APMAP: variants seen among roughly 807,000 people sequenced by gnomAD.
The protein encoded by APMAP is adipocyte plasma membrane-associated protein.
In APMAP, 33 loss-of-function variants were observed where a neutral mutation model predicts 43.6. That is an observed-to-expected ratio of 0.76 (90% CI 0.57 to 1.01). The LOEUF (loss-of-function observed/expected upper bound fraction) is 1.01, where lower values mean the gene tolerates loss of function less well. APMAP is among the 50% of genes least tolerant of loss of function. The probability of loss-of-function intolerance (pLI) is 0.00; values close to 1 mark genes in which losing one functional copy is unlikely to be tolerated. For missense variants in APMAP, 498 were observed against 540.7 expected (o/e 0.92, Z 0.78); for synonymous variants, 224 against 216.7 (o/e 1.03, Z -0.30).
At position 24,992,622 on chromosome 20, in the gene APMAP, C is replaced by A; in HGVS notation, c.67G>T (p.Gly23Cys). ...CCGTCCTTAGCCTCCGGGGCCTGGC[C>A]ATCATCGTCTGTGACGACCTGCGGC... Reference protein sequence around the residue: ...LRPQVVTDDDGQAPEAKDGSS... With the variant: ...LRPQVVTDDDCQAPEAKDGSS... Residue 23 changes from glycine (G) to cysteine (C), a missense_variant, in exon 1 of 9, where the codon GGC becomes TGC. Physicochemically the swap from Gly to Cys is radical, Grantham distance 159. Transcript: ENST00000217456. The A allele has an allele frequency of 6.4e-7, 1 of 1,571,506 alleles. No homozygotes were observed. The highest frequency in any genetic ancestry group is 8.6e-7 in the Non-Finnish European group (1 of 1,159,364).
At position 24,969,000 on chromosome 20, in the gene APMAP, G is replaced by A. The variant is rs749280281; in HGVS notation, c.933C>T (p.Ser311=). Residue 311 remains serine, a synonymous_variant, in exon 8 of 9, where the codon AGC becomes AGT. Transcript: ENST00000217456. ...TGCCCACCCAGTACCCCCCAGAGCT[G>A]CTGGGCCGGATGTTGTCTGGAAATC... is the stretch of plus-strand genomic sequence containing the variant. ...MPGFPDNIRP[S]SSGGYWVGMS... The A allele has an allele frequency of 2.4e-5, 39 of 1,613,832 alleles. No homozygotes were observed. Among genetic ancestry groups the A allele is most frequent in the South Asian group, 3.3e-5 (3 of 91,064 alleles).
intron 1 of APMAP, among the ~76,000 whole-genome samples, chr20:24,991,710 G>C (rs1359295237): frequency 2.0e-5 from 3 of 152,150 alleles, no homozygotes; most frequent in African/African-American, 7.2e-5. Context: ...ACAACTTCAA[G>C]CTTGGTCTAT....
chr20:24,992,558 C>T (rs1398037223), intron 1 of APMAP, 36 bp downstream of exon 1: 4 of 1,453,994 alleles, frequency 2.8e-6, no homozygotes, highest in Non-Finnish European at 9.2e-7. Context: ...CTCCTAGCGG[C>T]CCGGCTCCAG....
intron 4 of APMAP, among the ~76,000 whole-genome samples, chr20:24,972,326 A>G (rs1281883220): frequency 6.0e-3 from 404 of 67,594 alleles, no homozygotes; most frequent in Middle Eastern, 0.032. Context: ...TTATTGCAAG[A>G]TGTTCACTGT....
intron 2 of APMAP, 24 bp downstream of exon 2, chr20:24,983,879 C>T (rs774281380): frequency 6.5e-6 from 10 of 1,537,332 alleles, no homozygotes; most frequent in Non-Finnish European, 9.0e-6. Flanking sequence ...AGCAACCCCT[C>T]CTGAGGACTG....
intron 1 of APMAP, among the ~76,000 whole-genome samples, chr20:24,988,449 C>CG (rs1296806763): frequency 6.6e-6 from 1 of 152,184 alleles, no homozygotes; most frequent in Admixed American, 6.5e-5. Context: ...CTGAAAGCCA[C>CG]GGGGCTTACA....
At chr20:24,983,676 G>A (rs1175175384) in intron 2 of APMAP, among the ~76,000 whole-genome samples, 1 of 151,990 alleles carries the variant, frequency 6.6e-6, no homozygotes, top group Non-Finnish European at 1.5e-5. Context: ...TTTGTTTTTG[G>A]TTGATGCAGT....
chr20:24,990,185 T>C (rs1337783674), intron 1 of APMAP, among the ~76,000 whole-genome samples: 1 of 152,222 alleles, frequency 6.6e-6, no homozygotes, highest in African/African-American at 2.4e-5. Context: ...ACTTAGCTCA[T>C]CTATGTTCCA....
At chr20:24,972,604 C>G (rs1440811365) in intron 4 of APMAP, among the ~76,000 whole-genome samples, 1 of 151,474 alleles carries the variant, frequency 6.6e-6, no homozygotes, top group Non-Finnish European at 1.5e-5. Context: ...AGGGTGTTCA[C>G]TGTGGGGTGC....
At chr20:24,970,448 A>C in intron 5 of APMAP, 77 bp from the exon 6 acceptor site, 3 of 1,343,000 alleles carry the variant, frequency 2.2e-6, no homozygotes, top group Non-Finnish European at 3.0e-6. Flanking sequence ...AACCAACCTA[A>C]CTGATTTAAA....
chr20:24,976,901 CAT>C (rs1233279863), intron 3 of APMAP, among the ~76,000 whole-genome samples: 1 of 152,210 alleles, frequency 6.6e-6, no homozygotes, highest in African/African-American at 2.4e-5. Context: ...TAAATAAATG[CAT>C]ACTACTAAGT....
rs939103883 is a variant in APMAP, at chr20:24,977,304, C to T, written c.328+1463G>A. Among the ~76,000 whole-genome samples, 8 of 152,362 alleles carry T rather than the reference C, an allele frequency of 5.3e-5. No individual in the cohort carries two copies. In the East Asian group the frequency reaches 1.5e-3, roughly 29 times the overall value. The stretch of plus-strand genomic sequence containing the variant: ...AGAAAAAGTATTTGACGAAATGCAA[C>T]ACCCAATCGTAATAAAAACTCTTTT... On this transcript the variant is annotated intron_variant, in intron 3 of 8. Transcript: ENST00000217456.
chr20:24,980,469 C>T (rs1480046538), intron 2 of APMAP, among the ~76,000 whole-genome samples: 1 of 151,892 alleles, frequency 6.6e-6, no homozygotes, highest in Non-Finnish European at 1.5e-5. Context: ...ATGGGGTCAC[C>T]ATAGTCAAGA....
At chr20:24,966,261 C>T (rs141426124) in intron 8 of APMAP, among the ~76,000 whole-genome samples, 171 of 152,298 alleles carry the variant, frequency 1.1e-3, no homozygotes, top group African/African-American at 4.1e-3. Context: ...CTCCTCCTGG[C>T]CACAGATGGG....
At position 24,978,654 on chromosome 20, in the gene APMAP, G is replaced by A. The variant is rs534301836; in HGVS notation, c.328+113C>T. On this transcript the variant is annotated intron_variant, in intron 3 of 8. Transcript: ENST00000217456. ...TCCCACGTCCGCAGCTAAGAAGGAT[G>A]TGCAGGGCCCCAGTCCAGGGGCAGC... is the stretch of plus-strand genomic sequence containing the variant. 232 of 810,612 alleles carry A rather than the reference G, an allele frequency of 2.9e-4. 1 individual carries two copies. Among genetic ancestry groups the A allele is most frequent in the Non-Finnish European group, 4.2e-4 (208 of 493,486 alleles). The allele number at this position is 810,612 out of a possible 1,614,324, so 50.2% of individuals were successfully genotyped here. A position where few individuals can be genotyped will look rare whatever the true frequency, so the allele number is the denominator to read the frequency against.
intron 2 of APMAP, 140 bp from the exon 3 acceptor site, chr20:24,979,022 G>C (rs1252336836): frequency 1.6e-6 from 1 of 644,068 alleles, no homozygotes; most frequent in African/African-American, 1.9e-5. Context: ...CAAGGGTTAA[G>C]AAAAAACTGT....
chr20:24,985,327 G>A (rs1024238099), intron 1 of APMAP, among the ~76,000 whole-genome samples: 1 of 152,182 alleles, frequency 6.6e-6, no homozygotes, highest in African/African-American at 2.4e-5. Flanking sequence ...AAAGACAAAG[G>A]AAAGACTAAG....
chr20:24,973,256 G>A (rs1261714080), intron 4 of APMAP, among the ~76,000 whole-genome samples: 3 of 152,174 alleles, frequency 2.0e-5, no homozygotes, highest in Admixed American at 6.5e-5. Flanking sequence ...TGAGACCAAG[G>A]CAGAATAACA....
Position 24,978,639 on chromosome 20 carries a change from G to A in APMAP, c.328+128C>T, listed in dbSNP as rs568510097. The stretch of plus-strand genomic sequence containing the variant: ...TGTCTGAGGGCCAAGTCCCACGTCC[G>A]CAGCTAAGAAGGATGTGCAGGGCCC... On this transcript the variant is annotated intron_variant, in intron 3 of 8. Coordinates refer to ENST00000217456, the MANE Select transcript of APMAP (RefSeq NM_020531.3). 17 of 708,442 alleles carry A rather than the reference G, an allele frequency of 2.4e-5. No homozygotes were observed. The East Asian group carries it at 2.5e-4, about 10-fold the overall frequency. 43.9% of individuals were successfully genotyped at this position (708,442 alleles called of 1,614,324 possible).
Sources: gnomAD v4.1 joint callset for allele counts (sites outside exome capture counted in the v4.1 genomes callset) on GRCh38, gnomAD v4.1.1 for gene constraint, MANE v1.5 for transcripts, NCBI Gene and HGNC (gene_info 2026-07-23, HGNC 2026-07-21) for gene names.